The following PARG variants were observed in gnomAD, a reference collection of about 807,000 sequenced individuals.
PARG encodes the protein poly(ADP-ribose) glycohydrolase.
A neutral mutation model predicts 113.0 loss-of-function variants in PARG; 35 were observed. The ratio of observed to expected loss-of-function variants is 0.31; its 90% CI spans 0.24 to 0.41. The LOEUF (loss-of-function observed/expected upper bound fraction) is 0.41, where lower values mean the gene tolerates loss of function less well. PARG is among the 10% of genes least tolerant of loss of function. The pLI is 1.00. For missense variants in PARG, 797 were observed against 1,169.4 expected (o/e 0.68, Z 4.64); for synonymous variants, 330 against 409.9 (o/e 0.81, Z 2.36).
intron 15 of PARG, among the ~76,000 whole-genome samples, chr10:49,835,160 A>G (rs1179594590): frequency 6.6e-6 from 1 of 152,146 alleles, no homozygotes; most frequent in East Asian, 1.9e-4. Context: ...ATAAGGATAG[A>G]GACCTTAAAA....
rs562055392 is a variant in PARG at position 49,893,346 on chromosome 10, A to G, written c.1738-8051T>C. 4.4e-4 allele frequency among the ~76,000 whole-genome samples: 67 copies of G among 152,284 alleles called. No homozygotes were observed. The South Asian group carries it at 0.014, about 31-fold the overall frequency. Reference sequence around the variant, plus strand: ...ATATCAAGCATTTTTTAATGTGCTTATTGGCAATTTGTATACCTTCCTTTG... The same window carrying G: ...ATATCAAGCATTTTTTAATGTGCTTGTTGGCAATTTGTATACCTTCCTTTG... On this transcript the variant is annotated intron_variant, in intron 7 of 17. Coordinates refer to ENST00000616448, the MANE Select transcript of PARG (RefSeq NM_003631.5).
intron 6 of PARG, among the ~76,000 whole-genome samples, chr10:49,917,568 T>C (rs113131530): frequency 0.07 from 10,489 of 150,170 alleles, 506 homozygotes; most frequent in African/African-American, 0.12. Flanking sequence ...CCTGTAATCA[T>C]AGCACACTCC....
intron 7 of PARG, among the ~76,000 whole-genome samples, chr10:49,902,794 C>A (rs1328756180): frequency 1.3e-5 from 2 of 151,976 alleles, no homozygotes; most frequent in Non-Finnish European, 2.9e-5. Context: ...TGTTTAAGAC[C>A]AGCTTGGGCA....
intron 13 of PARG, among the ~76,000 whole-genome samples, chr10:49,848,706 T>C (rs1389855371): frequency 2.0e-5 from 3 of 152,054 alleles, no homozygotes; most frequent in Non-Finnish European, 4.4e-5. Flanking sequence ...ACTTAACATA[T>C]TGAATTGTAA....
chr10:49,892,008 T>C (rs1181103606), intron 7 of PARG, among the ~76,000 whole-genome samples: 5 of 151,456 alleles, frequency 3.3e-5, no homozygotes, highest in Non-Finnish European at 7.4e-5. Flanking sequence ...AAAAATTTCC[T>C]GGCCGGGCGT....
intron 4 of PARG, among the ~76,000 whole-genome samples, chr10:49,922,898 C>A (rs1245570683): frequency 3.3e-5 from 5 of 152,156 alleles, no homozygotes; most frequent in African/African-American, 4.8e-5. Context: ...TCCTTCCTTG[C>A]CTCAGCTTTT....
rs1554832801 is a variant in PARG, at chr10:49,843,671, A to G, written c.2354-39T>C. ...TCTGTCACTATTAACTTCACACTTG[A>G]TGGCAAAAACATTCCACCTTTCATA... On this transcript the variant is annotated intron_variant, in intron 13 of 17. Transcript: ENST00000616448. 8 of 1,328,332 alleles carry G rather than the reference A, an allele frequency of 6.0e-6. No individual in the cohort carries two copies. In the East Asian group the frequency reaches 2.0e-4, roughly 33 times the overall value. The allele number at this position is 1,328,332 out of a possible 1,614,324, so 82.3% of individuals were successfully genotyped here.
chr10:49,921,470 C>G (rs1403321849), intron 6 of PARG, among the ~76,000 whole-genome samples: 1 of 151,702 alleles, frequency 6.6e-6, no homozygotes, highest in African/African-American at 2.4e-5. Flanking sequence ...GAAACACTGT[C>G]CCCAAGGAAT....
chr10:49,898,135 T>C (rs1246580122), intron 7 of PARG, among the ~76,000 whole-genome samples: 1 of 152,250 alleles, frequency 6.6e-6, no homozygotes, highest in East Asian at 1.9e-4. Flanking sequence ...ACTCTTGTAT[T>C]AACCACAGAA....
chr10:49,856,493 T>C (rs1845996273), intron 13 of PARG, among the ~76,000 whole-genome samples: 1 of 152,210 alleles, frequency 6.6e-6, no homozygotes. Context: ...ATAACTGAAC[T>C]TTTTCTTTTA....
At chr10:49,939,894 CCT>C (rs1838938790) in intron 1 of PARG, among the ~76,000 whole-genome samples, 1 of 152,206 alleles carries the variant, frequency 6.6e-6, no homozygotes, top group Admixed American at 6.5e-5. Context: ...CTCTGCCCAG[CCT>C]CTTACACTGT....
intron 15 of PARG, among the ~76,000 whole-genome samples, chr10:49,836,838 A>G (rs1205612611): frequency 6.6e-6 from 1 of 152,204 alleles, no homozygotes; most frequent in African/African-American, 2.4e-5. Context: ...GTAAATAGGG[A>G]TGATTTGTAT....
Position 49,941,561 on chromosome 10 carries a change from T to G in PARG, c.165A>C (p.Pro55=), listed in dbSNP as rs1839072345. 1 of 1,559,382 alleles carries G rather than the reference T, an allele frequency of 6.4e-7. No individual in the cohort carries two copies. Among genetic ancestry groups the G allele is most frequent in the Admixed American group, 1.9e-5 (1 of 51,998 alleles). The change falls in exon 1 of 18, where the codon CCA becomes CCC. Residue 55 remains proline, a synonymous_variant. Transcript: ENST00000616448. ...GTCCCGCCCGCCCTGGGACGCAGGC[T>G]GGCGAGGACGGTGGGACCCTGAACT... ...HVQFRVPPSS[P]ACVPGRAGQH...
intron 13 of PARG, among the ~76,000 whole-genome samples, chr10:49,850,613 T>C (rs1845718572): frequency 6.6e-6 from 1 of 152,206 alleles, no homozygotes; most frequent in Non-Finnish European, 1.5e-5. Flanking sequence ...CAAGCCTCGT[T>C]TTTCCTGTTC....
At chr10:49,919,937 A>T (rs1355989740) in intron 6 of PARG, among the ~76,000 whole-genome samples, 2 of 152,122 alleles carry the variant, frequency 1.3e-5, no homozygotes, top group South Asian at 2.1e-4. Flanking sequence ...ATTGCAAAAT[A>T]ATTTCTTCTT....
In PARG at chr10:49,819,179, A is replaced by G. The variant is rs1159759359; in HGVS notation, c.*161T>C. 1 of 552,248 alleles carries G rather than the reference A, an allele frequency of 1.8e-6. No homozygotes were observed. Among genetic ancestry groups the G allele is most frequent in the African/African-American group, 1.9e-5 (1 of 51,838 alleles). 34.2% of individuals were successfully genotyped at this position (552,248 alleles called of 1,614,324 possible). ...AGGATGGAGGGAGTTTAGATGTACCAACTGACAACTGCACATGTGTGGAAG... is the reference window on the plus strand; with the variant it reads ...AGGATGGAGGGAGTTTAGATGTACCGACTGACAACTGCACATGTGTGGAAG... On this transcript the variant is annotated 3_prime_UTR_variant, in exon 18 of 18. Coordinates refer to ENST00000616448, the MANE Select transcript of PARG (RefSeq NM_003631.5).
intron 16 of PARG, among the ~76,000 whole-genome samples, chr10:49,823,014 A>G (rs1430779095): frequency 2.6e-5 from 4 of 152,224 alleles, no homozygotes; most frequent in African/African-American, 9.6e-5. Context: ...AGAGGGGAAA[A>G]AGGCTAGAAA....
rs536249212 is a variant in PARG at position 49,918,267 on chromosome 10, CAT to C, written c.1663-2278_1663-2277del. 1.1e-3 allele frequency among the ~76,000 whole-genome samples: 173 copies of C among 152,224 alleles called. 1 individual carries two copies. The highest frequency in any genetic ancestry group is 9.6e-4 in the Non-Finnish European group (65 of 68,006). On this transcript the variant is annotated intron_variant, in intron 6 of 17. Coordinates refer to ENST00000616448, the MANE Select transcript of PARG (RefSeq NM_003631.5). ...CTTTAAAAGGATAAACTTTCTTATC[CAT>C]ATGTTATTATTCCTCAAAGTTGGTA... is the stretch of plus-strand genomic sequence containing the variant.
At chr10:49,846,121 C>G (rs1224155992) in intron 13 of PARG, among the ~76,000 whole-genome samples, 2 of 150,450 alleles carry the variant, frequency 1.3e-5, no homozygotes, top group Non-Finnish European at 3.0e-5. Flanking sequence ...ACATTTGCCA[C>G]GATCACACAA....
Sources: allele counts gnomAD v4.1 joint callset (sites outside exome capture counted in the v4.1 genomes callset), GRCh38; gene constraint gnomAD v4.1.1; transcripts MANE v1.5; gene names NCBI Gene and HGNC (gene_info 2026-07-23, HGNC 2026-07-21).